Variants in LPP observed in about 807,000 individuals in gnomAD.
LPP encodes the protein LIM domain containing preferred translocation partner in lipoma.
In LPP, 38 loss-of-function variants were observed where a neutral mutation model predicts 60.4. The observed-to-expected ratio is 0.63, with a 90% confidence interval of 0.49 to 0.83. The LOEUF (loss-of-function observed/expected upper bound fraction) is 0.83, where lower values mean the gene tolerates loss of function less well. Among genes scored for constraint, LPP ranks in the 40% least tolerant of loss-of-function variants. LPP has a pLI of 0.00. For missense variants in LPP, 902 were observed against 783.6 expected (o/e 1.15, Z -1.80); for synonymous variants, 328 against 290.8 (o/e 1.13, Z -1.30).
chr3:188,520,123 A>C (rs1158344086), intron 5 of LPP, among the ~76,000 whole-genome samples: 2 of 152,236 alleles, frequency 1.3e-5, no homozygotes, highest in African/African-American at 4.8e-5. Context: ...TCAAGTCATA[A>C]TAAGTCCCAA....
At chr3:188,170,782 C>A (rs956836946) in intron 1 of LPP, among the ~76,000 whole-genome samples, 1 of 152,120 alleles carries the variant, frequency 6.6e-6, no homozygotes, top group African/African-American at 2.4e-5. Context: ...TCTTATTCAT[C>A]TGAATCATCT....
chr3:188,860,922 T>C (rs895822745), intron 9 of LPP, among the ~76,000 whole-genome samples: 1 of 152,198 alleles, frequency 6.6e-6, no homozygotes, highest in Non-Finnish European at 1.5e-5. Flanking sequence ...AGATTCCATA[T>C]AATGTGATGT....
intron 7 of LPP, among the ~76,000 whole-genome samples, chr3:188,667,145 G>T (rs1855951753): frequency 6.6e-6 from 1 of 152,148 alleles, no homozygotes. Context: ...AAGTGAAATA[G>T]TCTCAGGCAC....
rs1793442591 is a variant in LPP at position 188,440,274 on chromosome 3, T to C, written c.193+33961T>C. 2.6e-5 allele frequency among the ~76,000 whole-genome samples: 4 copies of C among 152,342 alleles called. No individual in the cohort carries two copies. In the South Asian group the frequency reaches 8.3e-4, roughly 32 times the overall value. On this transcript the variant is annotated intron_variant, in intron 4 of 11. Coordinates refer to ENST00000617246, the MANE Select transcript of LPP (RefSeq NM_001375462.1). Reference sequence around the variant, plus strand: ...GTTAGTGAACTTTGCTGATTTTCAGTGTCCTCTTTCGTAAAAAAGAGAATA... The same window carrying C: ...GTTAGTGAACTTTGCTGATTTTCAGCGTCCTCTTTCGTAAAAAAGAGAATA...
chr3:188,704,977 C>A lies in LPP; in HGVS notation c.1114-3290C>A, dbSNP rs543610866. On this transcript the variant is annotated intron_variant, in intron 7 of 11. Transcript: ENST00000617246. The stretch of plus-strand genomic sequence containing the variant: ...CACTTGTAGTTTTTCCCACTCACAC[C>A]AAACTACGTCTCAACTTTGAAACTG... Among the ~76,000 whole-genome samples, 24 of 152,172 alleles carry A rather than the reference C, an allele frequency of 1.6e-4. No individual in the cohort carries two copies. The South Asian group carries it at 2.9e-3, about 18-fold the overall frequency.
rs202023190 is a variant in LPP at position 188,407,782 on chromosome 3, TTG to T, written c.193+1471_193+1472del. ...CCTCATTTATGGTTTTTTTTTTTGT[TTG>T]TTTGTTTTTTTTTTTTTTTTTTTGA... is the stretch of plus-strand genomic sequence containing the variant. On this transcript the variant is annotated intron_variant, in intron 4 of 11. Coordinates refer to ENST00000617246, the MANE Select transcript of LPP (RefSeq NM_001375462.1). 1.2e-3 allele frequency among the ~76,000 whole-genome samples: 74 copies of T among 60,520 alleles called. 5 individuals carry two copies. The highest frequency in any genetic ancestry group is 3.7e-3 in the African/African-American group (74 of 19,854). The allele number at this position is 60,520 out of a possible 152,430, so 39.7% of individuals were successfully genotyped here.
rs752177831 is a variant in LPP, at chr3:188,866,312, G to A, written c.1523G>A (p.Ser508Asn). The change falls in exon 10 of 12, where the codon AGC becomes AAC. Residue 508 changes from serine to asparagine, a missense_variant. Transcript: ENST00000617246. ...HCFTCVMCHRSLDGIPFTVDA... is the reference protein window; with the variant it reads ...HCFTCVMCHRNLDGIPFTVDA... Reference sequence around the variant, plus strand: ...TTCACCTGCGTGATGTGCCACCGCAGCCTGGATGGGATCCCATTCACTGTG... The same window carrying A: ...TTCACCTGCGTGATGTGCCACCGCAACCTGGATGGGATCCCATTCACTGTG... 4 of 1,588,210 alleles carry A rather than the reference G, an allele frequency of 2.5e-6. No individual in the cohort carries two copies. The highest frequency in any genetic ancestry group is 3.4e-6 in the Non-Finnish European group (4 of 1,166,334).
At chr3:188,155,646 A>G (rs565611741) in intron 1 of LPP, among the ~76,000 whole-genome samples, 15 of 152,274 alleles carry the variant, frequency 9.9e-5, no homozygotes, top group African/African-American at 3.6e-4. Context: ...AGGACATCCA[A>G]TATGGTTTTC....
chr3:188,320,756 G>A (rs188331888), intron 2 of LPP, among the ~76,000 whole-genome samples: 2 of 152,274 alleles, frequency 1.3e-5, no homozygotes, highest in Admixed American at 6.5e-5. Context: ...TTCATGCACT[G>A]ATGCATCGTA....
intron 2 of LPP, among the ~76,000 whole-genome samples, chr3:188,288,765 C>G (rs1451055849): frequency 6.6e-6 from 1 of 151,930 alleles, no homozygotes; most frequent in African/African-American, 2.4e-5. Context: ...ATGAACTTCT[C>G]TTGATGCCAA....
At chr3:188,400,810 A>G (rs1435446292) in intron 3 of LPP, among the ~76,000 whole-genome samples, 1 of 152,096 alleles carries the variant, frequency 6.6e-6, no homozygotes, top group Non-Finnish European at 1.5e-5. Flanking sequence ...GAATGAGGGG[A>G]AGTAAGAGCA....
intron 8 of LPP, among the ~76,000 whole-genome samples, chr3:188,742,281 T>G (rs1724721705): frequency 6.6e-6 from 1 of 152,082 alleles, no homozygotes; most frequent in Admixed American, 6.6e-5. Flanking sequence ...CCAGCAATTC[T>G]CCTCCTTGAC....
chr3:188,693,722 C>T (rs761705329), intron 7 of LPP, among the ~76,000 whole-genome samples: 1 of 152,158 alleles, frequency 6.6e-6, no homozygotes, highest in Non-Finnish European at 1.5e-5. Flanking sequence ...CCGAGAATAA[C>T]AGCAATGATT....
intron 1 of LPP, among the ~76,000 whole-genome samples, chr3:188,160,487 C>CTTAAT (rs1404481699): frequency 6.6e-6 from 1 of 152,250 alleles, no homozygotes; most frequent in East Asian, 1.9e-4. Context: ...AACCACTGTG[C>CTTAAT]CCAGCCCTCT....
At chr3:188,193,346 C>A (rs77986036) in intron 1 of LPP, among the ~76,000 whole-genome samples, 4,724 of 152,188 alleles carry the variant, frequency 0.031, 128 homozygotes, top group South Asian at 0.098. Flanking sequence ...GATTCAGTTC[C>A]CAGCTCTGTC....
chr3:188,180,875 A>G (rs1207171686), intron 1 of LPP: 1 of 151,092 alleles, frequency 6.6e-6, no homozygotes, highest in Admixed American at 6.7e-5. Flanking sequence ...CTAATTTTTC[A>G]TCATTATAAA....
intron 6 of LPP, among the ~76,000 whole-genome samples, chr3:188,549,315 C>T (rs1827455321): frequency 6.6e-6 from 1 of 151,986 alleles, no homozygotes; most frequent in Non-Finnish European, 1.5e-5. Context: ...TATATTAAAG[C>T]TCTGTGTTAT....
rs190643782 is a variant in LPP, at chr3:188,706,086, A to C, written c.1114-2181A>C. Reference sequence around the variant, plus strand: ...GAGTGGATAAAACAATAAACAAAAGAATAACTGAATAATTCAGTAGCTTCT... The same window carrying C: ...GAGTGGATAAAACAATAAACAAAAGCATAACTGAATAATTCAGTAGCTTCT... On this transcript the variant is annotated intron_variant, in intron 7 of 11. Coordinates refer to ENST00000617246, the MANE Select transcript of LPP (RefSeq NM_001375462.1). 4.3e-4 allele frequency among the ~76,000 whole-genome samples: 66 copies of C among 152,374 alleles called. 1 individual carries two copies. In the East Asian group the frequency reaches 0.013, roughly 29 times the overall value.
chr3:188,747,282 G>A (rs1033404413), intron 8 of LPP, among the ~76,000 whole-genome samples: 1 of 152,148 alleles, frequency 6.6e-6, no homozygotes, highest in Non-Finnish European at 1.5e-5. Context: ...TTCTTGCTGT[G>A]TTCTTATTAT....
Sources: allele counts gnomAD v4.1 joint callset (sites outside exome capture counted in the v4.1 genomes callset), GRCh38; gene constraint gnomAD v4.1.1; transcripts MANE v1.5; gene names NCBI Gene and HGNC (gene_info 2026-07-23, HGNC 2026-07-21).